The following MYBBP1A variants were observed in gnomAD, a reference collection of about 807,000 sequenced individuals.
MYBBP1A encodes the protein myb-binding protein 1A.
MYBBP1A carries 147 observed loss-of-function variants against 136.3 expected under a neutral mutation model. That is an observed-to-expected ratio of 1.08 (90% CI 0.94 to 1.24). The LOEUF (loss-of-function observed/expected upper bound fraction) is 1.24. MYBBP1A is among the 50% of genes most tolerant of loss of function. The pLI is 0.00. For missense variants in MYBBP1A, 2,060 were observed against 1,727.4 expected (o/e 1.19, Z -3.41); for synonymous variants, 947 against 735.8 (o/e 1.29, Z -4.65).
chr17:4,549,922 G>A lies in MYBBP1A; in HGVS notation c.1319+136C>T, dbSNP rs527383979. 27 of 929,234 alleles carry A rather than the reference G, an allele frequency of 2.9e-5. No individual in the cohort carries two copies. In the Middle Eastern group the frequency reaches 1.3e-3, roughly 44 times the overall value. 57.6% of individuals were successfully genotyped at this position (929,234 alleles called of 1,614,324 possible). The stretch of plus-strand genomic sequence containing the variant: ...ACAAGTAAACTGAGGCCTCATATGA[G>A]AGCTAAGGCTCTTCCCCCTCGCTCC... On this transcript the variant is annotated intron_variant, in intron 9 of 25. Transcript: ENST00000254718.
rs759644891 is a variant in MYBBP1A at position 4,539,573 on chromosome 17, G to A, written c.3829C>T (p.His1277Tyr). The A allele has an allele frequency of 6.2e-6, 10 of 1,614,168 alleles. No homozygotes were observed. The highest frequency in any genetic ancestry group is 5.5e-5 in the South Asian group (5 of 91,086). Residue 1277 changes from histidine (H) to tyrosine (Y), a missense_variant, in exon 26 of 26, where the codon CAT becomes TAT. Coordinates refer to ENST00000254718, the MANE Select transcript of MYBBP1A (RefSeq NM_014520.4). The stretch of plus-strand genomic sequence containing the variant: ...CCCTTTTTGGGAAGAGCCTTCTGAT[G>A]CTGCTTTTGGCCTGCAGGTTCCGTG... ...SPTEPAGQKQHQKALPKKGVL... is the reference protein window; with the variant it reads ...SPTEPAGQKQYQKALPKKGVL...
intron 10 of MYBBP1A, among the ~76,000 whole-genome samples, 159 bp downstream of exon 10, chr17:4,549,173 G>C (rs1246464681): frequency 1.3e-5 from 2 of 152,186 alleles, no homozygotes; most frequent in Admixed American, 6.5e-5. Flanking sequence ...TTCCCTTCAC[G>C]GGTTCCTGAG....
intron 1 of MYBBP1A, 79 bp downstream of exon 1, chr17:4,555,048 C>A (rs1014515210): frequency 6.3e-7 from 1 of 1,583,630 alleles, no homozygotes; most frequent in Admixed American, 1.8e-5. Flanking sequence ...CCACGTGCCC[C>A]CAGTCTCAAC....
chr17:4,547,192 GC>G (rs957035275), intron 13 of MYBBP1A, among the ~76,000 whole-genome samples: 3 of 152,124 alleles, frequency 2.0e-5, no homozygotes. Context: ...ACAGGTGCGA[GC>G]CCCGAGCCTG....
intron 4 of MYBBP1A, 45 bp downstream of exon 4, chr17:4,553,974 A>G (rs1736041778): frequency 1.2e-6 from 2 of 1,613,594 alleles, no homozygotes; most frequent in Non-Finnish European, 1.7e-6. Context: ...TCCCCCACCC[A>G]TCCCAAGCCA....
Position 4,541,559 on chromosome 17 carries a change from C to T in MYBBP1A, c.3201G>A (p.Leu1067=). The change falls in exon 24 of 26, where the codon TTG becomes TTA. Residue 1067 remains leucine (L), a synonymous_variant. Transcript: ENST00000254718. ...GQVLAKVTEN[L]RVLGEAQTKA... ...TGGTCTGCGCCTCCCCCAGCACGCG[C>T]AAGTTCTAGGGAAGGGTGGCCAGGC... 6.2e-7 allele frequency: 1 copy of T among 1,612,314 alleles called. No homozygotes were observed. The highest frequency in any genetic ancestry group is 1.7e-5 in the Admixed American group (1 of 60,026).
intron 19 of MYBBP1A, among the ~76,000 whole-genome samples, chr17:4,543,821 C>T (rs576040509): frequency 6.6e-6 from 1 of 152,280 alleles, no homozygotes; most frequent in African/African-American, 2.4e-5. Context: ...GCCTCCAGCA[C>T]AGCCCCTCCC....
At chr17:4,540,094 G>A in intron 25 of MYBBP1A, 127 bp from the exon 26 acceptor site, 3 of 1,264,448 alleles carry the variant, frequency 2.4e-6, no homozygotes, top group Non-Finnish European at 2.2e-6. Context: ...GCCCCTATGA[G>A]GGTCCCGTGA....
Position 4,540,359 on chromosome 17 carries a change from G to C in MYBBP1A, c.3423C>G (p.Thr1141=). The C allele has an allele frequency of 6.2e-7, 1 of 1,607,474 alleles. No homozygotes were observed. The highest frequency in any genetic ancestry group is 8.5e-7 in the Non-Finnish European group (1 of 1,179,446). The change falls in exon 25 of 26, where the codon ACC becomes ACG. Residue 1141 remains threonine (T), a synonymous_variant. Transcript: ENST00000254718. ...CTCCCAGAACCTACTGGACTCCCAG[G>C]GTTTTCATGGCCTGCCAGTAGAGGT... ...LHDLYWQAMK[T]LGVQRPKLEK... is the part of the protein sequence containing the mutation.
At chr17:4,553,730 G>A (rs780793336) in intron 5 of MYBBP1A, 80 bp downstream of exon 5, 2 of 1,063,858 alleles carry the variant, frequency 1.9e-6, no homozygotes, top group Non-Finnish European at 2.9e-6. Context: ...GAACAGTGCT[G>A]TTCCAGATTC....
rs560380015 is a variant in MYBBP1A at position 4,552,971 on chromosome 17, G to A, written c.562-345C>T. 9.9e-5 allele frequency among the ~76,000 whole-genome samples: 15 copies of A among 151,982 alleles called. No homozygotes were observed. Among genetic ancestry groups the A allele is most frequent in the East Asian group, 1.9e-4 (1 of 5,168 alleles). On this transcript the variant is annotated intron_variant, in intron 5 of 25. Coordinates refer to ENST00000254718, the MANE Select transcript of MYBBP1A (RefSeq NM_014520.4). This position sits in a 1 kb window ranked among gnomAD's most constrained non-coding sequence, Gnocchi z 4.7. The stretch of plus-strand genomic sequence containing the variant: ...GCCTCAGGTGGGATTAAAGGTGTGC[G>A]CCATCACACCCAGCTAATTTTTGTA...
rs1417166975 is a variant in MYBBP1A, at chr17:4,544,839, G to C, written c.2393C>G (p.Ala798Gly). The change falls in exon 18 of 26, where the codon GCC becomes GGC. Residue 798 changes from alanine to glycine, a missense_variant. By Grantham distance (60) the Ala-to-Gly change is moderately conservative. Coordinates refer to ENST00000254718, the MANE Select transcript of MYBBP1A (RefSeq NM_014520.4). The part of the protein sequence containing the change: ...ALDQSLASLF[A>G]EQKLRIQARR... ...GGCCTGGATACGCAGCTTCTGCTCG[G>C]CAAAGAGGCTGGCGAGGCTCTGGTC... The C allele has an allele frequency of 6.2e-7, 1 of 1,607,830 alleles. No homozygotes were observed. The highest frequency in any genetic ancestry group is 2.2e-5 in the East Asian group (1 of 44,620).
Position 4,543,181 on chromosome 17 carries a change from A to G in MYBBP1A, c.2640-16T>C, listed in dbSNP as rs758715779. 7 of 1,592,334 alleles carry G rather than the reference A, an allele frequency of 4.4e-6. No individual in the cohort carries two copies. Among genetic ancestry groups the G allele is most frequent in the Non-Finnish European group, 6.0e-6 (7 of 1,170,764 alleles). ...CAGGTGGTGCCTGTGGGTGGTGAGG[A>G]CGAGAGCTGGTCAGAACATTCTCGG... On this transcript the variant is annotated splice_polypyrimidine_tract_variant and intron_variant, in intron 19 of 25. Transcript: ENST00000254718.
chr17:4,544,415 AAGCCT>A, intron 19 of MYBBP1A, 69 bp downstream of exon 19: 1 of 1,523,660 alleles, frequency 6.6e-7, no homozygotes, highest in Non-Finnish European at 8.8e-7. Context: ...TGCAGACAGC[AAGCCT>A]AGAGCTCTGG....
In MYBBP1A at chr17:4,552,715, T is replaced by A. The variant is rs1324577935; in HGVS notation, c.562-89A>T. 3 of 1,265,588 alleles carry A rather than the reference T, an allele frequency of 2.4e-6. No individual in the cohort carries two copies. Among genetic ancestry groups the A allele is most frequent in the Non-Finnish European group, 3.3e-6 (3 of 912,312 alleles). 78.4% of individuals were successfully genotyped at this position (1,265,588 alleles called of 1,614,324 possible). ...TACCTGCTCCTGACACGGGGCCACC[T>A]GGTGAGGTATCAGAGTCATCAGAGG... On this transcript the variant is annotated intron_variant, in intron 5 of 25. Transcript: ENST00000254718. This position sits in a 1 kb window ranked among gnomAD's most constrained non-coding sequence, Gnocchi z 4.7.
At position 4,553,959 on chromosome 17, in the gene MYBBP1A, G is replaced by A. The variant is rs927875817; in HGVS notation, c.454-42C>T. 8.1e-6 allele frequency: 13 copies of A among 1,612,662 alleles called. No individual in the cohort carries two copies. The Admixed American group carries it at 8.3e-5, about 10-fold the overall frequency. Reference sequence around the variant, plus strand: ...GACAGAGGGTATGAGCAGGGCACACGACTGTCCCCCACCCATCCCAAGCCA... The same window carrying A: ...GACAGAGGGTATGAGCAGGGCACACAACTGTCCCCCACCCATCCCAAGCCA... On this transcript the variant is annotated intron_variant, in intron 4 of 25. Coordinates refer to ENST00000254718, the MANE Select transcript of MYBBP1A (RefSeq NM_014520.4).
intron 2 of MYBBP1A, 93 bp from the exon 3 acceptor site, chr17:4,554,371 C>A: frequency 8.9e-7 from 1 of 1,118,430 alleles, no homozygotes; most frequent in Non-Finnish European, 1.3e-6. Context: ...CCTTCAACTT[C>A]TCCCAAGAAG....
chr17:4,554,265 A>C lies in MYBBP1A; in HGVS notation c.308T>G (p.Phe103Cys). 1 of 1,614,020 alleles carries C rather than the reference A, an allele frequency of 6.2e-7. No individual in the cohort carries two copies. Among genetic ancestry groups the C allele is most frequent in the Non-Finnish European group, 8.5e-7 (1 of 1,179,988 alleles). The change falls in exon 3 of 26, where the codon TTT becomes TGT. Residue 103 changes from phenylalanine (F) to cysteine (C), a missense_variant. Phe to Cys is a radical substitution (Grantham distance 205, BLOSUM62 -2). Coordinates refer to ENST00000254718, the MANE Select transcript of MYBBP1A (RefSeq NM_014520.4). ...GATGCTGCACAAGGGGAGGTCTTCA[A>C]AAGACTGTAACAGCTGCCAGGAGTT... is the stretch of plus-strand genomic sequence containing the variant. ...SLALAQLLQS[F>C]EDLPLCSILQ...
chr17:4,546,156 TTGCC>T (rs1205195500), intron 13 of MYBBP1A, among the ~76,000 whole-genome samples: 1 of 152,228 alleles, frequency 6.6e-6, no homozygotes, highest in Middle Eastern at 3.2e-3. Flanking sequence ...TCTCGCTCTA[TTGCC>T]CAGGCTGGAG....
Sources: gnomAD v4.1 joint callset for allele counts (sites outside exome capture counted in the v4.1 genomes callset) on GRCh38, gnomAD v4.1.1 for gene constraint, Gnocchi (gnomAD v3.1) non-coding constraint, MANE v1.5 for transcripts, NCBI Gene and HGNC (gene_info 2026-07-23, HGNC 2026-07-21) for gene names.